Variants in NKAIN2 observed in about 807,000 individuals in gnomAD.
NKAIN2 encodes the protein sodium/potassium-transporting ATPase subunit beta-1-interacting protein 2.
A neutral mutation model predicts 32.6 loss-of-function variants in NKAIN2; 14 were observed. That is an observed-to-expected ratio of 0.43 (90% confidence interval 0.28 to 0.67). The LOEUF (loss-of-function observed/expected upper bound fraction) is 0.67, where lower values mean the gene tolerates loss of function less well. Among genes scored for constraint, NKAIN2 ranks in the 30% least tolerant of loss-of-function variants. The pLI is 0.17. For missense variants in NKAIN2, 198 were observed against 258.3 expected (o/e 0.77, Z 1.60); for synonymous variants, 80 against 87.2 (o/e 0.92, Z 0.46).
intron 3 of NKAIN2, among the ~76,000 whole-genome samples, chr6:124,555,776 T>G (rs1174865792): frequency 2.0e-5 from 3 of 152,198 alleles, no homozygotes; most frequent in Non-Finnish European, 4.4e-5. Context: ...TAGCCCTATC[T>G]AACCTTATTT....
At chr6:123,813,915 T>G (rs1283611235) in intron 1 of NKAIN2, among the ~76,000 whole-genome samples, 1 of 152,034 alleles carries the variant, frequency 6.6e-6, no homozygotes, top group Non-Finnish European at 1.5e-5. Flanking sequence ...CTTTAGTGAT[T>G]AGTGAACCTA....
chr6:124,504,866 G>A (rs1237104212), intron 3 of NKAIN2, among the ~76,000 whole-genome samples: 1 of 152,160 alleles, frequency 6.6e-6, no homozygotes, highest in Non-Finnish European at 1.5e-5. Context: ...GAACTAAATG[G>A]TCATCCATAG....
At chr6:124,195,810 G>GT (rs1790287216) in intron 1 of NKAIN2, among the ~76,000 whole-genome samples, 1 of 151,796 alleles carries the variant, frequency 6.6e-6, no homozygotes, top group Admixed American at 6.6e-5. Flanking sequence ...TTGTTGCGGT[G>GT]TTTTTTAAAT....
chr6:124,264,522 A>G (rs1423683799), intron 1 of NKAIN2, among the ~76,000 whole-genome samples: 1 of 152,214 alleles, frequency 6.6e-6, no homozygotes, highest in East Asian at 1.9e-4. Flanking sequence ...GAAAAAATCT[A>G]TAGTTGGTTA....
At chr6:124,267,553 C>G (rs1002813821) in intron 1 of NKAIN2, among the ~76,000 whole-genome samples, 1 of 149,760 alleles carries the variant, frequency 6.7e-6, no homozygotes, top group Admixed American at 6.6e-5. Flanking sequence ...TACAGAATCA[C>G]TTGAATGCTC....
At chr6:124,368,503 T>A (rs1395824439) in intron 3 of NKAIN2, among the ~76,000 whole-genome samples, 1 of 152,044 alleles carries the variant, frequency 6.6e-6, no homozygotes, top group African/African-American at 2.4e-5. Context: ...CCTCAAAAAA[T>A]ATGATGGGTA....
At chr6:124,536,801 T>A (rs770236567) in intron 3 of NKAIN2, among the ~76,000 whole-genome samples, 1 of 152,158 alleles carries the variant, frequency 6.6e-6, no homozygotes, top group Non-Finnish European at 1.5e-5. Flanking sequence ...ATGCCTTCCA[T>A]TCTGTGGGGT....
At chr6:124,246,705 T>C (rs1444637464) in intron 1 of NKAIN2, among the ~76,000 whole-genome samples, 1 of 152,070 alleles carries the variant, frequency 6.6e-6, no homozygotes, top group East Asian at 1.9e-4. Context: ...TGAAAAGTTC[T>C]GTCGATTGTT....
chr6:124,629,996 A>C (rs938388431), intron 3 of NKAIN2, among the ~76,000 whole-genome samples: 34 of 152,194 alleles, frequency 2.2e-4, no homozygotes, highest in African/African-American at 7.7e-4. Context: ...CTGAAGCCAA[A>C]TCACAATGGC....
At chr6:124,781,978 T>G (rs773545854) in intron 4 of NKAIN2, among the ~76,000 whole-genome samples, 1 of 152,160 alleles carries the variant, frequency 6.6e-6, no homozygotes, top group Non-Finnish European at 1.5e-5. Context: ...TTCACTCCCA[T>G]TCATCTTCCT....
chr6:124,295,453 C>G (rs979341775), intron 2 of NKAIN2, among the ~76,000 whole-genome samples: 1 of 152,120 alleles, frequency 6.6e-6, no homozygotes, highest in Non-Finnish European at 1.5e-5. Context: ...AGCCCCATAG[C>G]TGCAGGTTAG....
chr6:124,137,026 GAA>G (rs1215647964), intron 1 of NKAIN2, among the ~76,000 whole-genome samples: 1 of 152,038 alleles, frequency 6.6e-6, no homozygotes, highest in Admixed American at 6.6e-5. Flanking sequence ...TCAGACAAGA[GAA>G]AGAAACAAAG....
At chr6:124,189,218 C>A (rs556137287) in intron 1 of NKAIN2, among the ~76,000 whole-genome samples, 2 of 152,076 alleles carry the variant, frequency 1.3e-5, no homozygotes, top group Admixed American at 6.5e-5. Context: ...ACCACTAATA[C>A]ATGAGACATG....
At chr6:124,781,586 C>A (rs779033775) in intron 4 of NKAIN2, among the ~76,000 whole-genome samples, 2 of 152,082 alleles carry the variant, frequency 1.3e-5, no homozygotes, top group Non-Finnish European at 2.9e-5. Context: ...TATATATTCC[C>A]AAACGGTAAT....
At chr6:124,335,226 G>A (rs1002713983) in intron 2 of NKAIN2, among the ~76,000 whole-genome samples, 3 of 152,158 alleles carry the variant, frequency 2.0e-5, no homozygotes, top group African/African-American at 7.2e-5. Flanking sequence ...TTAGAAAAAT[G>A]TTATGACTCA....
chr6:124,525,285 G>A (rs1779269421), intron 3 of NKAIN2, among the ~76,000 whole-genome samples: 2 of 151,966 alleles, frequency 1.3e-5, no homozygotes, highest in South Asian at 4.2e-4. Flanking sequence ...TATAGGCAGC[G>A]GGAGTTTAAC....
At chr6:124,658,442 G>C in intron 4 of NKAIN2, 56 bp downstream of exon 4, 1 of 1,613,172 alleles carries the variant, frequency 6.2e-7, no homozygotes, top group East Asian at 2.2e-5. Flanking sequence ...TTTTATTTCT[G>C]TGCGAACTCA....
chr6:123,971,022 G>A (rs1037313237), intron 1 of NKAIN2, among the ~76,000 whole-genome samples: 5 of 152,150 alleles, frequency 3.3e-5, no homozygotes, highest in Admixed American at 1.3e-4. Context: ...TCATTTATTT[G>A]ATTTATATTT....
chr6:124,528,000 G>A (rs1247352111), intron 3 of NKAIN2, among the ~76,000 whole-genome samples: 1 of 152,178 alleles, frequency 6.6e-6, no homozygotes, highest in Non-Finnish European at 1.5e-5. Flanking sequence ...ACCAGCAGAT[G>A]ATTAATACCT....
Sources: allele counts gnomAD v4.1 joint callset (sites outside exome capture counted in the v4.1 genomes callset), GRCh38; gene constraint gnomAD v4.1.1; transcripts MANE v1.5; gene names NCBI Gene and HGNC (gene_info 2026-07-23, HGNC 2026-07-21).